Variants in DHX29 observed in about 807,000 individuals in gnomAD.
DHX29 encodes the protein DExH-box helicase 29, also known as ATP-dependent RNA helicase DHX29.
DHX29 carries 79 observed loss-of-function variants against 167.9 expected under a neutral mutation model. The observed-to-expected ratio is 0.47, with a 90% confidence interval of 0.39 to 0.57. The LOEUF (loss-of-function observed/expected upper bound fraction) is 0.57. Among genes scored for constraint, DHX29 ranks in the 20% least tolerant of loss-of-function variants. The pLI, the probability that DHX29 is intolerant of heterozygous loss-of-function variation, is 0.00. For synonymous variants in DHX29, 530 were observed against 546.0 expected (o/e 0.97, Z 0.41); for missense variants, 1,347 against 1,593.4 (o/e 0.85, Z 2.63).
Position 55,273,351 on chromosome 5 carries a change from A to C in DHX29, c.2717T>G (p.Ile906Ser), listed in dbSNP as rs1324279357. ...ERYKVIALHS[I>S]LSTQDQAAAF... Reference sequence around the variant, plus strand: ...TGCAGCTTGATCTTGGGTTGAAAGAATAGAATGCAGAGCTATCACTTTATA... The same window carrying C: ...TGCAGCTTGATCTTGGGTTGAAAGACTAGAATGCAGAGCTATCACTTTATA... Residue 906 changes from isoleucine to serine, a missense_variant, in exon 17 of 27, where the codon ATT (isoleucine) becomes AGT (serine). Physicochemically the swap from Ile to Ser is moderately radical, Grantham distance 142. Transcript: ENST00000251636. 8 of 1,592,208 alleles carry C rather than the reference A, an allele frequency of 5.0e-6. No individual in the cohort carries two copies. Among genetic ancestry groups the C allele is most frequent in the Non-Finnish European group, 6.9e-6 (8 of 1,165,742 alleles).
chr5:55,285,468 A>G (rs1747673361), intron 9 of DHX29, 52 bp from the exon 10 acceptor site: 1 of 1,519,968 alleles, frequency 6.6e-7, no homozygotes, highest in Non-Finnish European at 8.9e-7. Flanking sequence ...AAGTCAGATA[A>G]AAAAAACTCA....
intron 3 of DHX29, 97 bp downstream of exon 3, chr5:55,297,188 T>A (rs2305676): frequency 0.11 from 71,565 of 633,844 alleles, 4,854 homozygotes; most frequent in East Asian, 0.26. Context: ...CTACATAAAA[T>A]CTCAATGGAA....
chr5:55,295,584 A>G, intron 4 of DHX29, 60 bp from the exon 5 acceptor site: 1 of 1,548,218 alleles, frequency 6.5e-7, no homozygotes, highest in South Asian at 1.2e-5. Context: ...AAACACACAA[A>G]TATTTGTTAA....
At chr5:55,299,882 G>A (rs565439057) in intron 1 of DHX29, among the ~76,000 whole-genome samples, 54 of 152,220 alleles carry the variant, frequency 3.5e-4, no homozygotes, top group Middle Eastern at 6.8e-3. Context: ...GAACAGAAAC[G>A]CTGTCTAGTC....
At chr5:55,258,100 C>T (rs564118519) in intron 26 of DHX29, among the ~76,000 whole-genome samples, 1 of 152,280 alleles carries the variant, frequency 6.6e-6, no homozygotes, top group Admixed American at 6.5e-5. Context: ...TGAGAATAAA[C>T]TGGGGATACT....
chr5:55,260,527 G>GGCCTGGGGTGTGACATTTTTTAAAATA (rs70992714), intron 25 of DHX29, among the ~76,000 whole-genome samples: 7 of 151,810 alleles, frequency 4.6e-5, no homozygotes, highest in African/African-American at 1.7e-4. Context: ...CATGGCACCC[G>GGCCTGGGGTGTGACATTTTTTAAAATA]GCTTTATTGA....
intron 17 of DHX29, among the ~76,000 whole-genome samples, chr5:55,272,872 T>C (rs752426160): frequency 6.6e-6 from 1 of 152,174 alleles, no homozygotes; most frequent in Non-Finnish European, 1.5e-5. Flanking sequence ...CCTGGCTCTG[T>C]TACTTATTAG....
At chr5:55,286,968 C>G (rs943293238) in intron 8 of DHX29, among the ~76,000 whole-genome samples, 1 of 152,216 alleles carries the variant, frequency 6.6e-6, no homozygotes, top group Admixed American at 6.5e-5. Context: ...AATGTCATTA[C>G]AGCAAGGTCT....
rs1746854293 is a variant in DHX29, at chr5:55,271,562, G to A, written c.2864+525C>T. On this transcript the variant is annotated intron_variant, in intron 18 of 26. Transcript: ENST00000251636. ...GCAGGGGAACTGCTTGAACCAGGGAGGTGGAGGCTGCAGTGAGACTGTGCC... is the reference window on the plus strand; with the variant it reads ...GCAGGGGAACTGCTTGAACCAGGGAAGTGGAGGCTGCAGTGAGACTGTGCC... Among the ~76,000 whole-genome samples the A allele has an allele frequency of 3.9e-5, 6 of 152,232 alleles. No homozygotes were observed. In the South Asian group the frequency reaches 1.2e-3, roughly 32 times the overall value.
intron 16 of DHX29, among the ~76,000 whole-genome samples, chr5:55,273,663 T>C (rs1746959393): frequency 1.3e-5 from 2 of 152,194 alleles, no homozygotes; most frequent in African/African-American, 4.8e-5. Flanking sequence ...TCAAAACATA[T>C]AGTAAACAGC....
rs753951905 is a variant in DHX29, at chr5:55,307,377, C to T, written c.187+10G>A. 7.8e-5 allele frequency: 126 copies of T among 1,610,674 alleles called. 2 individuals carry two copies. In the South Asian group the frequency reaches 1.2e-3, roughly 15 times the overall value. ...GGGCAGACAGCCAGGGGCTGGGGGA[C>T]CTCTCGTACCTTGCTTGACACGGGG... On this transcript the variant is annotated intron_variant, in intron 1 of 26. Transcript: ENST00000251636.
chr5:55,260,024 T>C, intron 25 of DHX29, 80 bp from the exon 26 acceptor site: 1 of 704,218 alleles, frequency 1.4e-6, no homozygotes. Context: ...GGCAAGCCTA[T>C]ATTACAATCT....
intron 12 of DHX29, among the ~76,000 whole-genome samples, chr5:55,280,572 G>A (rs1454098508): frequency 2.6e-5 from 4 of 152,144 alleles, no homozygotes; most frequent in Middle Eastern, 3.4e-3. Flanking sequence ...CTCCCTTCCC[G>A]CAGGAGCCCA....
rs1359841390 is a variant in DHX29, at chr5:55,283,481, G to C, written c.1687C>G (p.Gln563Glu). The C allele has an allele frequency of 1.9e-6, 3 of 1,614,048 alleles. No individual in the cohort carries two copies. Among genetic ancestry groups the C allele is most frequent in the East Asian group, 2.2e-5 (1 of 44,890 alleles). ...TGTTGTCTTTCCTTTAGAAGTTTCT[G>C]ATACTTAGGTGTGCTTTGCAACTTT... is the stretch of plus-strand genomic sequence containing the variant. ...FRKLQSTPKY[Q>E]KLLKERQQLP... is the part of the protein sequence containing the mutation. The change falls in exon 11 of 27, where the codon CAG becomes GAG. Residue 563 changes from glutamine to glutamate, a missense_variant. Physicochemically the swap from Gln to Glu is conservative, Grantham distance 29 (BLOSUM62 2). Transcript: ENST00000251636.
intron 5 of DHX29, 26 bp downstream of exon 5, chr5:55,295,353 C>A: frequency 6.4e-7 from 1 of 1,564,942 alleles, no homozygotes; most frequent in Non-Finnish European, 8.8e-7. Context: ...TTTTATACAA[C>A]TTTAAATGCT....
intron 3 of DHX29, among the ~76,000 whole-genome samples, chr5:55,296,579 T>C (rs1172751779): frequency 6.6e-6 from 1 of 152,178 alleles, no homozygotes; most frequent in Admixed American, 6.5e-5. Flanking sequence ...TATCCAAAGA[T>C]ACTAAATGTA....
intron 16 of DHX29, 127 bp from the exon 17 acceptor site, chr5:55,273,504 A>G: frequency 8.6e-7 from 1 of 1,169,178 alleles, no homozygotes; most frequent in Non-Finnish European, 1.1e-6. Context: ...TTAAACATAC[A>G]CAAGTGTTTA....
At chr5:55,303,887 A>C (rs1274942138) in intron 1 of DHX29, among the ~76,000 whole-genome samples, 1 of 151,560 alleles carries the variant, frequency 6.6e-6, no homozygotes, top group Non-Finnish European at 1.5e-5. Flanking sequence ...TAGTGACCCT[A>C]AAAAAAAATT....
In DHX29 at chr5:55,269,616, C is replaced by T; in HGVS notation, c.3091G>A (p.Glu1031Lys). 1 of 1,613,640 alleles carries T rather than the reference C, an allele frequency of 6.2e-7. No homozygotes were observed. The highest frequency in any genetic ancestry group is 8.5e-7 in the Non-Finnish European group (1 of 1,179,690). The change falls in exon 21 of 27, where the codon GAA (glutamate) becomes AAA (lysine). Residue 1031 changes from glutamate to lysine, a missense_variant. By Grantham distance (56) the Glu-to-Lys change is moderately conservative (BLOSUM62 1). Coordinates refer to ENST00000251636, the MANE Select transcript of DHX29 (RefSeq NM_019030.4). Reference protein sequence around the residue: ...HIMKCNLGSPEDFLSKALDPP... With the variant: ...HIMKCNLGSPKDFLSKALDPP... Reference sequence around the variant, plus strand: ...TCTAAGGCTTTGGAGAGGAAATCTTCAGGAGAACCAAGATTACATTTCTGC... The same window carrying T: ...TCTAAGGCTTTGGAGAGGAAATCTTTAGGAGAACCAAGATTACATTTCTGC...
Sources: allele counts gnomAD v4.1 joint callset (sites outside exome capture counted in the v4.1 genomes callset), GRCh38; gene constraint gnomAD v4.1.1; transcripts MANE v1.5; gene names NCBI Gene and HGNC (gene_info 2026-07-23, HGNC 2026-07-21).